The following ZNF253 variants were observed in gnomAD, a reference collection of about 807,000 sequenced individuals.
ZNF253 encodes zinc finger protein 253.
In ZNF253, 8 loss-of-function variants were observed where a neutral mutation model predicts 11.9. The observed-to-expected ratio is 0.67, with a 90% CI of 0.40 to 1.22. The LOEUF is 1.22. Ranked by LOEUF, ZNF253 falls within the 50% of genes most tolerant of loss-of-function variation. The probability of loss-of-function intolerance (pLI) is 0.01; values close to 1 mark genes in which losing one functional copy is unlikely to be tolerated. For synonymous variants in ZNF253, 194 were observed against 194.9 expected (o/e 1.00, Z 0.04); for missense variants, 485 against 586.9 (o/e 0.83, Z 1.79).
chr19:19,882,502 A>G (rs1399778525), intron 3 of ZNF253, among the ~76,000 whole-genome samples: 1 of 152,068 alleles, frequency 6.6e-6, no homozygotes, highest in Non-Finnish European at 1.5e-5. Context: ...TTACAGGTTC[A>G]AGCAGTTCTC....
intron 3 of ZNF253, among the ~76,000 whole-genome samples, chr19:19,887,345 G>A (rs1382107307): frequency 1.3e-5 from 2 of 151,952 alleles, no homozygotes; most frequent in Non-Finnish European, 2.9e-5. Flanking sequence ...TGCTCAGGCT[G>A]AAGTGCTATG....
intron 2 of ZNF253, 23 bp from the exon 3 acceptor site, chr19:19,880,028 G>C: frequency 1.3e-6 from 2 of 1,567,142 alleles, no homozygotes; most frequent in Non-Finnish European, 1.7e-6. Context: ...CAAGATTCAT[G>C]TTATTTATTT....
At chr19:19,885,878 G>A (rs2063204724) in intron 3 of ZNF253, among the ~76,000 whole-genome samples, 1 of 152,192 alleles carries the variant, frequency 6.6e-6, no homozygotes, top group African/African-American at 2.4e-5. Context: ...GAATGTTGAA[G>A]TGTGTTTTAT....
In ZNF253 at chr19:19,891,639, G is replaced by T; in HGVS notation, c.392G>T (p.Gly131Val). The T allele has an allele frequency of 1.2e-6, 2 of 1,614,086 alleles. No individual in the cohort carries two copies. The highest frequency in any genetic ancestry group is 8.5e-7 in the Non-Finnish European group (1 of 1,180,000). The change falls in exon 4 of 4, where the codon GGA (glycine) becomes GTA (valine). Residue 131 changes from glycine (G) to valine (V), a missense_variant. Around this residue, in one of 3 missense-constraint regions of ZNF253, gnomAD observed 218 missense variants for 213.1 expected, o/e 1.02. Coordinates refer to ENST00000589717, the MANE Select transcript of ZNF253 (RefSeq NM_021047.3). The stretch of plus-strand genomic sequence containing the variant: ...AAGGTGCACAAAGGAGGTTATAATG[G>T]ACTTAACCAATGTTTGACAACTACC... ...EHKVHKGGYN[G>V]LNQCLTTTQK...
At position 19,892,878 on chromosome 19, in the gene ZNF253, T is replaced by C; in HGVS notation, c.*131T>C. 1 of 885,982 alleles carries C rather than the reference T, an allele frequency of 1.1e-6. No individual in the cohort carries two copies. The highest frequency in any genetic ancestry group is 1.7e-6 in the Non-Finnish European group (1 of 587,666). The allele number at this position is 885,982 out of a possible 1,614,324, so 54.9% of individuals were successfully genotyped here. ...AAATATAAAGAATGTGACAAAGCTT[T>C]TTAAGGAAGTTCTCAACCCTTATTA... On this transcript the variant is annotated 3_prime_UTR_variant, in exon 4 of 4. Coordinates refer to ENST00000589717, the MANE Select transcript of ZNF253 (RefSeq NM_021047.3).
At chr19:19,869,811 A>T (rs1352853742) in intron 1 of ZNF253, among the ~76,000 whole-genome samples, 2 of 151,624 alleles carry the variant, frequency 1.3e-5, no homozygotes, top group African/African-American at 4.9e-5. Context: ...CTGGGAATAC[A>T]GGCATGCACC....
At chr19:19,866,232 C>T (rs2063110348) in intron 1 of ZNF253, among the ~76,000 whole-genome samples, 3 of 152,136 alleles carry the variant, frequency 2.0e-5, no homozygotes, top group African/African-American at 4.8e-5. Context: ...CAGCTCTGCA[C>T]CCGCAGCACC....
chr19:19,891,195 G>A (rs2063227975), intron 3 of ZNF253, among the ~76,000 whole-genome samples: 2 of 152,108 alleles, frequency 1.3e-5, no homozygotes, highest in African/African-American at 4.8e-5. Context: ...GAGCTGTGTT[G>A]GGTATAACTA....
chr19:19,872,585 A>ATTATATATATATATATATATTTT (rs59790297), intron 1 of ZNF253, among the ~76,000 whole-genome samples: 1 of 90,478 alleles, frequency 1.1e-5, no homozygotes, highest in African/African-American at 6.1e-5. Context: ...ATATATTATT[A>ATTATATATATATATATATATTTT]TATATATATA....
At chr19:19,890,498 T>TG (rs1555778368) in intron 3 of ZNF253, among the ~76,000 whole-genome samples, 230 of 141,044 alleles carry the variant, frequency 1.6e-3, no homozygotes, top group African/African-American at 5.9e-3. Flanking sequence ...CAATTTATAT[T>TG]TGTGTGTGTG....
chr19:19,880,576 G>C (rs2063173868), intron 3 of ZNF253, among the ~76,000 whole-genome samples: 1 of 151,956 alleles, frequency 6.6e-6, no homozygotes, highest in South Asian at 2.1e-4. Context: ...GTGGTGGTGG[G>C]CACCTGTAAT....
intron 1 of ZNF253, chr19:19,871,130 ATC>A (rs2063132245): frequency 6.6e-6 from 1 of 152,142 alleles, no homozygotes; most frequent in African/African-American, 2.4e-5. Flanking sequence ...TTTTGGAGCT[ATC>A]TCTATCTGGA....
intron 1 of ZNF253, among the ~76,000 whole-genome samples, chr19:19,871,937 G>A (rs1425479131): frequency 6.6e-6 from 1 of 152,100 alleles, no homozygotes; most frequent in Non-Finnish European, 1.5e-5. Flanking sequence ...ACTCTAGAGG[G>A]GACTTTCCCT....
intron 3 of ZNF253, among the ~76,000 whole-genome samples, chr19:19,886,747 C>T (rs1599557687): frequency 6.6e-6 from 1 of 152,304 alleles, no homozygotes; most frequent in Middle Eastern, 3.4e-3. Context: ...ATACAGTCTG[C>T]CAAACTGTGA....
chr19:19,878,905 T>A (rs1477988467), intron 2 of ZNF253, among the ~76,000 whole-genome samples: 1 of 152,186 alleles, frequency 6.6e-6, no homozygotes, highest in Non-Finnish European at 1.5e-5. Context: ...TACCCTGATG[T>A]AATTACTACA....
At chr19:19,872,979 AG>A (rs934198975) in intron 1 of ZNF253, among the ~76,000 whole-genome samples, 1 of 152,114 alleles carries the variant, frequency 6.6e-6, no homozygotes, top group African/African-American at 2.4e-5. Context: ...TTTACAAAAA[AG>A]GGCCGGACTT....
In ZNF253 at chr19:19,889,652, A is replaced by ATT. The variant is rs111550505; in HGVS notation, c.227-1813_227-1812dup. Among the ~76,000 whole-genome samples the ATT allele has an allele frequency of 6.2e-3, 930 of 149,192 alleles. 8 individuals are homozygous for ATT. Among genetic ancestry groups the ATT allele is most frequent in the Non-Finnish European group, 9.1e-3 (610 of 67,094 alleles). On this transcript the variant is annotated intron_variant, in intron 3 of 3. Transcript: ENST00000589717. ...TGAGCCACTGTTCCTGTCCTACTTT[A>ATT]TTTTTTTTTTGAGACAGGCTTGCTC...
chr19:19,891,501 T>C lies in ZNF253; in HGVS notation c.254T>C (p.Leu85Pro). 4 of 1,603,742 alleles carry C rather than the reference T, an allele frequency of 2.5e-6. No individual in the cohort carries two copies. The highest frequency in any genetic ancestry group is 2.6e-6 in the Non-Finnish European group (3 of 1,175,522). ...ATGAGTTCTCATTTTGCCCAAGACCTTTGGCCAGAGAACATACAAAATTCT... is the reference window on the plus strand; with the variant it reads ...ATGAGTTCTCATTTTGCCCAAGACCCTTGGCCAGAGAACATACAAAATTCT... ...PVMSSHFAQDLWPENIQNSFQ... is the reference protein window; with the variant it reads ...PVMSSHFAQDPWPENIQNSFQ... The change falls in exon 4 of 4, where the codon CTT (leucine) becomes CCT (proline). Residue 85 changes from leucine (L) to proline (P), a missense_variant. Physicochemically the swap from Leu to Pro is moderately conservative, Grantham distance 98. This residue lies in a region of ZNF253 where 218 missense variants were observed against 213.1 expected (regional missense o/e 1.02). Coordinates refer to ENST00000589717, the MANE Select transcript of ZNF253 (RefSeq NM_021047.3).
intron 3 of ZNF253, among the ~76,000 whole-genome samples, chr19:19,885,091 T>C (rs2063193070): frequency 6.6e-6 from 1 of 152,252 alleles, no homozygotes; most frequent in South Asian, 2.1e-4. Flanking sequence ...TCCTGAAATT[T>C]TTTTCTTTCA....
Sources: gnomAD v4.1 joint callset for allele counts (sites outside exome capture counted in the v4.1 genomes callset) on GRCh38, gnomAD v4.1.1 for gene constraint, gnomAD v4.1.1 regional missense constraint, MANE v1.5 for transcripts, NCBI Gene and HGNC (gene_info 2026-07-23, HGNC 2026-07-21) for gene names.